The following SLC5A3 variants were observed in gnomAD, a reference collection of about 807,000 sequenced individuals.
SLC5A3 encodes the protein sodium/myo-inositol cotransporter.
A neutral mutation model predicts 43.2 loss-of-function variants in SLC5A3; 10 were observed. That is an observed-to-expected ratio of 0.23 (90% confidence interval 0.14 to 0.39). The LOEUF (loss-of-function observed/expected upper bound fraction) is 0.39. Ranked by LOEUF, SLC5A3 falls within the 10% of genes least tolerant of loss-of-function variation. SLC5A3 has a pLI of 1.00. For missense variants in SLC5A3, 608 were observed against 893.4 expected (o/e 0.68, Z 4.07); for synonymous variants, 349 against 322.0 (o/e 1.08, Z -0.90).
intron 1 of SLC5A3, among the ~76,000 whole-genome samples, chr21:34,077,170 A>G (rs1420967013): frequency 2.0e-5 from 3 of 152,216 alleles, no homozygotes; most frequent in African/African-American, 4.8e-5. Flanking sequence ...TCACTTGATA[A>G]TTAGATTTTA....
In SLC5A3 at chr21:34,096,988, G is replaced by A. The variant is rs1209359981; in HGVS notation, c.1790G>A (p.Gly597Asp). ...PNGKSEDSIK[G>D]LQPEDVNLLV... ...GGGAAATCTGAAGACAGCATTAAGG[G>A]CCTTCAGCCTGAAGATGTTAATCTG... Residue 597 changes from glycine to aspartate, a missense_variant, in exon 2 of 2, where the codon GGC becomes GAC. Physicochemically the swap from Gly to Asp is moderately conservative, Grantham distance 94. Around this residue, in one of 2 missense-constraint regions of SLC5A3, gnomAD observed 210 missense variants for 224.8 expected, o/e 0.93. Transcript: ENST00000381151. The surrounding 1 kb of genome is among the most constrained non-coding windows in gnomAD (Gnocchi z 5.9). The A allele has an allele frequency of 6.2e-7, 1 of 1,613,920 alleles. No homozygotes were observed. Among genetic ancestry groups the A allele is most frequent in the African/African-American group, 1.3e-5 (1 of 74,898 alleles).
chr21:34,084,570 C>T (rs879920917), intron 1 of SLC5A3, among the ~76,000 whole-genome samples: 1 of 152,014 alleles, frequency 6.6e-6, no homozygotes, highest in South Asian at 2.1e-4. Context: ...TATATACACA[C>T]CTACATATTA....
At position 34,098,738 on chromosome 21, in the gene SLC5A3, G is replaced by A. The variant is rs1979090146; in HGVS notation, c.*1383G>A. The A allele has an allele frequency of 4.0e-6, 4 of 1,000,192 alleles. No individual in the cohort carries two copies. Among genetic ancestry groups the A allele is most frequent in the East Asian group, 1.1e-4 (1 of 8,806 alleles). The allele number at this position is 1,000,192 out of a possible 1,614,324, so 62.0% of individuals were successfully genotyped here. A position where few individuals can be genotyped will look rare whatever the true frequency, so the allele number is the denominator to read the frequency against. On this transcript the variant is annotated 3_prime_UTR_variant, in exon 2 of 2. Coordinates refer to ENST00000381151, the MANE Select transcript of SLC5A3 (RefSeq NM_006933.7). ...TAGGACTCTAACTTGACATGGCTTG[G>A]CACCCACTTGCAGCTAGTGGGTACA...
chr21:34,075,944 C>G (rs1434209188), intron 1 of SLC5A3, among the ~76,000 whole-genome samples: 1 of 152,228 alleles, frequency 6.6e-6, no homozygotes, highest in African/African-American at 2.4e-5. Flanking sequence ...AACCACAGTT[C>G]TAACCCGAGG....
At chr21:34,080,335 C>T (rs1989430882) in intron 1 of SLC5A3, among the ~76,000 whole-genome samples, 1 of 152,178 alleles carries the variant, frequency 6.6e-6, no homozygotes. Flanking sequence ...CTCAGTATGA[C>T]TCCCAACTTA....
At position 34,075,325 on chromosome 21, in the gene SLC5A3, T is replaced by C. The variant is rs182052729; in HGVS notation, c.-337+1580T>C. Among the ~76,000 whole-genome samples, 16 of 152,340 alleles carry C rather than the reference T, an allele frequency of 1.1e-4. No individual in the cohort carries two copies. The East Asian group carries it at 2.1e-3, about 20-fold the overall frequency. On this transcript the variant is annotated intron_variant, in intron 1 of 1. Transcript: ENST00000381151. ...CCTTTGAAACCTTTGAAATGAAGAC[T>C]TGCCCTCCCCTTTGTTTTTGCCATA...
chr21:34,076,662 T>A (rs1989339709), intron 1 of SLC5A3, among the ~76,000 whole-genome samples: 1 of 152,228 alleles, frequency 6.6e-6, no homozygotes, highest in East Asian at 1.9e-4. Flanking sequence ...TTATTTCTAT[T>A]TTCTGTTTTA....
At position 34,102,946 on chromosome 21, in the gene SLC5A3, C is replaced by T; in HGVS notation, c.*5591C>T. The T allele has an allele frequency of 1.0e-6, 1 of 999,780 alleles. No individual in the cohort carries two copies. Among genetic ancestry groups the T allele is most frequent in the Non-Finnish European group, 1.2e-6 (1 of 829,874 alleles). 61.9% of individuals were successfully genotyped at this position (999,780 alleles called of 1,614,324 possible). On this transcript the variant is annotated 3_prime_UTR_variant, in exon 2 of 2. Coordinates refer to ENST00000381151, the MANE Select transcript of SLC5A3 (RefSeq NM_006933.7). ...AACCTAATTTATCTTGGTAAATTCA[C>T]CCTGTTTCCTAGTGCTGCTGGATAA...
chr21:34,105,000 A>C lies in SLC5A3; in HGVS notation c.*7645A>C. On this transcript the variant is annotated 3_prime_UTR_variant, in exon 2 of 2. Coordinates refer to ENST00000381151, the MANE Select transcript of SLC5A3 (RefSeq NM_006933.7). ...TGTATAATTAGAGTTTTCTAATTTC[A>C]CTGTGAGATCTCTAACTTTTGAGTG... is the stretch of plus-strand genomic sequence containing the variant. 1 of 1,000,100 alleles carries C rather than the reference A, an allele frequency of 1.0e-6. No homozygotes were observed. The highest frequency in any genetic ancestry group is 1.2e-6 in the Non-Finnish European group (1 of 829,812). The allele number at this position is 1,000,100 out of a possible 1,614,324, so 62.0% of individuals were successfully genotyped here.
chr21:34,084,359 T>TAGAAAA (rs1989524683), intron 1 of SLC5A3, among the ~76,000 whole-genome samples: 1 of 152,088 alleles, frequency 6.6e-6, no homozygotes, highest in Non-Finnish European at 1.5e-5. Context: ...AGTTTTTTTC[T>TAGAAAA]AGAAACATAA....
chr21:34,092,769 C>T (rs531530878), intron 1 of SLC5A3, among the ~76,000 whole-genome samples: 1 of 152,284 alleles, frequency 6.6e-6, no homozygotes, highest in African/African-American at 2.4e-5. Context: ...CTATTTCCCC[C>T]CCAACGGCCA....
chr21:34,084,958 C>T (rs2148654887), intron 1 of SLC5A3, among the ~76,000 whole-genome samples: 1 of 152,236 alleles, frequency 6.6e-6, no homozygotes, highest in East Asian at 1.9e-4. Context: ...GAGTTGCAGA[C>T]ATCTTGACAT....
intron 1 of SLC5A3, among the ~76,000 whole-genome samples, chr21:34,086,085 A>G (rs1188004259): frequency 6.6e-6 from 1 of 152,160 alleles, no homozygotes; most frequent in Non-Finnish European, 1.5e-5. Context: ...CTTACTCTGT[A>G]ATAGCTTCTT....
At position 34,097,020 on chromosome 21, in the gene SLC5A3, A is replaced by C. The variant is rs750375483; in HGVS notation, c.1822A>C (p.Thr608Pro). Residue 608 changes from threonine (T) to proline (P), a missense_variant, in exon 2 of 2, where the codon ACC becomes CCC. Around this residue, in one of 2 missense-constraint regions of SLC5A3, gnomAD observed 210 missense variants for 224.8 expected, o/e 0.93. Coordinates refer to ENST00000381151, the MANE Select transcript of SLC5A3 (RefSeq NM_006933.7). ...LQPEDVNLLV[T>P]CREEGNPVAS... is the part of the protein sequence containing the mutation. ...GCCTGAAGATGTTAATCTGTTGGTA[A>C]CCTGCAGAGAGGAGGGCAACCCAGT... 1 of 1,614,120 alleles carries C rather than the reference A, an allele frequency of 6.2e-7. No homozygotes were observed. The highest frequency in any genetic ancestry group is 1.1e-5 in the South Asian group (1 of 91,088).
At chr21:34,078,685 T>C (rs1989389950) in intron 1 of SLC5A3, among the ~76,000 whole-genome samples, 1 of 152,214 alleles carries the variant, frequency 6.6e-6, no homozygotes, top group African/African-American at 2.4e-5. Context: ...TTGCTGTGTT[T>C]GTACTACTAC....
At chr21:34,091,167 T>G (rs78810759) in intron 1 of SLC5A3, among the ~76,000 whole-genome samples, 3,143 of 152,298 alleles carry the variant, frequency 0.021, 107 homozygotes, top group African/African-American at 0.071. Context: ...GCGTCTCAGA[T>G]TGTACCTTGA....
At chr21:34,091,454 C>T (rs1485970298) in intron 1 of SLC5A3, among the ~76,000 whole-genome samples, 1 of 152,098 alleles carries the variant, frequency 6.6e-6, no homozygotes, top group Non-Finnish European at 1.5e-5. Context: ...TATATGGTCA[C>T]CCAGACAGTA....
rs1309404452 is a variant in SLC5A3 at position 34,098,968 on chromosome 21, T to C, written c.*1613T>C. The C allele has an allele frequency of 9.1e-6, 9 of 985,706 alleles. No individual in the cohort carries two copies. The highest frequency in any genetic ancestry group is 4.8e-5 in the South Asian group (1 of 20,972). The allele number at this position is 985,706 out of a possible 1,614,324, so 61.1% of individuals were successfully genotyped here. ...AGGGAAATTACTTTCATAAATACTT[T>C]TGTAGATTTTGAATCAAAACTCAGT... is the stretch of plus-strand genomic sequence containing the variant. On this transcript the variant is annotated 3_prime_UTR_variant, in exon 2 of 2. Coordinates refer to ENST00000381151, the MANE Select transcript of SLC5A3 (RefSeq NM_006933.7).
chr21:34,081,302 C>G (rs554457006), intron 1 of SLC5A3, among the ~76,000 whole-genome samples: 1 of 152,132 alleles, frequency 6.6e-6, no homozygotes, highest in Non-Finnish European at 1.5e-5. Context: ...ATTCCATTCT[C>G]CAAGTGCTTG....
Sources: gnomAD v4.1 joint callset for allele counts (sites outside exome capture counted in the v4.1 genomes callset) on GRCh38, gnomAD v4.1.1 for gene constraint, gnomAD v4.1.1 regional missense constraint, Gnocchi (gnomAD v3.1) non-coding constraint, MANE v1.5 for transcripts, NCBI Gene and HGNC (gene_info 2026-07-23, HGNC 2026-07-21) for gene names.